PTPRD: variants seen among roughly 807,000 people sequenced by gnomAD.
PTPRD encodes receptor-type tyrosine-protein phosphatase delta.
A neutral mutation model predicts 214.5 loss-of-function variants in PTPRD; 34 were observed. The observed-to-expected ratio is 0.16, with a 90% CI of 0.12 to 0.21. PTPRD has a LOEUF of 0.21. Ranked by LOEUF, PTPRD falls within the 10% of genes least tolerant of loss-of-function variation. The pLI, the probability that PTPRD is intolerant of heterozygous loss-of-function variation, is 1.00. For missense variants in PTPRD, 2,545 were observed against 2,398.7 expected (o/e 1.06, Z -1.27); for synonymous variants, 1,128 against 845.7 (o/e 1.33, Z -5.79).
At chr9:9,616,333 G>A (rs62534671) in intron 7 of PTPRD, among the ~76,000 whole-genome samples, 4,269 of 152,126 alleles carry the variant, frequency 0.028, 93 homozygotes, top group South Asian at 0.042. Flanking sequence ...GCTAAATCTG[G>A]CAAGCCTACA....
chr9:8,941,681 C>T (rs1208703076), intron 11 of PTPRD, among the ~76,000 whole-genome samples: 1 of 152,088 alleles, frequency 6.6e-6, no homozygotes, highest in Non-Finnish European at 1.5e-5. Context: ...TGAGAGAAAG[C>T]TGTCAGTGAG....
intron 15 of PTPRD, 89 bp downstream of exon 15, chr9:8,528,502 A>T (rs762457901): frequency 1.3e-5 from 16 of 1,198,070 alleles, no homozygotes; most frequent in Non-Finnish European, 1.9e-5. Context: ...CCTAGAAATA[A>T]AAAATAAATT....
At chr9:8,512,659 A>G (rs2097704930) in intron 21 of PTPRD, among the ~76,000 whole-genome samples, 1 of 151,952 alleles carries the variant, frequency 6.6e-6, no homozygotes, top group South Asian at 2.1e-4. Flanking sequence ...GTATTTGATA[A>G]ATATATATAA....
At position 10,511,569 on chromosome 9, in the gene PTPRD, A is replaced by ATTTTTTTTTTTTTTTTT. The variant is rs66768632; in HGVS notation, c.-600+100812_-600+100828dup. Among the ~76,000 whole-genome samples, 129 of 127,846 alleles carry ATTTTTTTTTTTTTTTTT rather than the reference A, an allele frequency of 1.0e-3. 2 individuals carry two copies. The highest frequency in any genetic ancestry group is 4.1e-3 in the Middle Eastern group (1 of 246). 83.9% of individuals were successfully genotyped at this position (127,846 alleles called of 152,430 possible). A position where few individuals can be genotyped will look rare whatever the true frequency, so the allele number is the denominator to read the frequency against. Reference sequence around the variant, plus strand: ...CAGGTGTGCGCCACCACACCCTGGTATTTTTTTTTTTTTTTTTTGTATTTT... The same window carrying ATTTTTTTTTTTTTTTTT: ...CAGGTGTGCGCCACCACACCCTGGTATTTTTTTTTTTTTTTTTTTTTTTTTTTTTTTTTTTGTATTTT... On this transcript the variant is annotated intron_variant, in intron 2 of 45. Transcript: ENST00000381196.
chr9:8,437,690 C>A (rs1409874611), intron 34 of PTPRD, among the ~76,000 whole-genome samples: 1 of 152,142 alleles, frequency 6.6e-6, no homozygotes, highest in Non-Finnish European at 1.5e-5. Flanking sequence ...GTGTAAACAT[C>A]TTTGTCCACT....
At chr9:9,620,853 T>C (rs755913766) in intron 7 of PTPRD, among the ~76,000 whole-genome samples, 6 of 138,958 alleles carry the variant, frequency 4.3e-5, no homozygotes, top group African/African-American at 8.4e-5. Flanking sequence ...TAAATGCAAA[T>C]TGAAAGAGAG....
At chr9:10,559,576 A>C (rs1045605321) in intron 2 of PTPRD, among the ~76,000 whole-genome samples, 6 of 152,164 alleles carry the variant, frequency 3.9e-5, no homozygotes, top group African/African-American at 1.4e-4. Flanking sequence ...ATTAAACTAA[A>C]GAGCTTCTGC....
chr9:9,083,441 A>G (rs2099762115), intron 10 of PTPRD, among the ~76,000 whole-genome samples: 1 of 152,216 alleles, frequency 6.6e-6, no homozygotes, highest in Non-Finnish European at 1.5e-5. Context: ...ACCCCATACT[A>G]TAAATCTCCT....
intron 7 of PTPRD, among the ~76,000 whole-genome samples, chr9:9,678,740 G>A (rs2096992225): frequency 6.6e-6 from 1 of 151,684 alleles, no homozygotes; most frequent in African/African-American, 2.4e-5. Context: ...ATAACAAGGA[G>A]TCAGTCTAAA....
chr9:9,894,244 T>A lies in PTPRD; in HGVS notation c.-368+44263A>T, dbSNP rs191137280. Among the ~76,000 whole-genome samples the A allele has an allele frequency of 2.0e-5, 3 of 152,114 alleles. No homozygotes were observed. In the East Asian group the frequency reaches 5.8e-4, roughly 30 times the overall value. On this transcript the variant is annotated intron_variant, in intron 5 of 45. Coordinates refer to ENST00000381196, the MANE Select transcript of PTPRD (RefSeq NM_002839.4). ...GCCTCTGTTATGGGTCTCTCAAATCTTTTCCCCACTCAGCCCCAGATTTCT... is the reference window on the plus strand; with the variant it reads ...GCCTCTGTTATGGGTCTCTCAAATCATTTCCCCACTCAGCCCCAGATTTCT...
chr9:10,392,667 A>G (rs2098091238), intron 2 of PTPRD, among the ~76,000 whole-genome samples: 1 of 151,878 alleles, frequency 6.6e-6, no homozygotes, highest in Non-Finnish European at 1.5e-5. Flanking sequence ...TTTAATGGGA[A>G]TCCAGAGAAG....
At chr9:9,391,640 C>T (rs2065879536) in intron 9 of PTPRD, among the ~76,000 whole-genome samples, 1 of 152,070 alleles carries the variant, frequency 6.6e-6, no homozygotes, top group South Asian at 2.1e-4. Flanking sequence ...TTTGTTGGTG[C>T]AACTTAGAAA....
At chr9:9,124,964 T>C (rs746540088) in intron 10 of PTPRD, among the ~76,000 whole-genome samples, 1 of 152,198 alleles carries the variant, frequency 6.6e-6, no homozygotes, top group Non-Finnish European at 1.5e-5. Flanking sequence ...GACTGCTGTA[T>C]TGAGCAACTG....
At chr9:9,117,334 C>T (rs1040117647) in intron 10 of PTPRD, among the ~76,000 whole-genome samples, 117 of 151,432 alleles carry the variant, frequency 7.7e-4, no homozygotes, top group African/African-American at 2.8e-3. Context: ...TGCCTTAATA[C>T]TTTCATTGAC....
At chr9:10,058,769 C>T (rs749735605) in intron 3 of PTPRD, among the ~76,000 whole-genome samples, 5 of 152,080 alleles carry the variant, frequency 3.3e-5, no homozygotes, top group African/African-American at 4.8e-5. Context: ...AGTCACAGCA[C>T]CTATATTTCC....
At chr9:9,168,562 G>C (rs2099908463) in intron 10 of PTPRD, among the ~76,000 whole-genome samples, 2 of 151,872 alleles carry the variant, frequency 1.3e-5, no homozygotes. Flanking sequence ...AAATACAGTT[G>C]AATATAAAGA....
intron 7 of PTPRD, among the ~76,000 whole-genome samples, chr9:9,612,124 T>C (rs1287865098): frequency 1.3e-5 from 2 of 152,100 alleles, no homozygotes; most frequent in Admixed American, 6.6e-5. Flanking sequence ...ATATAGAAAA[T>C]TGTGTAATAA....
chr9:9,970,631 C>T (rs965927571), intron 4 of PTPRD, among the ~76,000 whole-genome samples: 1 of 151,990 alleles, frequency 6.6e-6, no homozygotes, highest in Non-Finnish European at 1.5e-5. Flanking sequence ...ATGGATCTGT[C>T]AAACGGTCTT....
At chr9:10,299,594 G>T (rs2095798859) in intron 3 of PTPRD, among the ~76,000 whole-genome samples, 1 of 152,090 alleles carries the variant, frequency 6.6e-6, no homozygotes, top group Non-Finnish European at 1.5e-5. Context: ...CATTATAATT[G>T]CTAAGCAGAC....
Sources: allele counts gnomAD v4.1 joint callset (sites outside exome capture counted in the v4.1 genomes callset), GRCh38; gene constraint gnomAD v4.1.1; transcripts MANE v1.5; gene names NCBI Gene and HGNC (gene_info 2026-07-23, HGNC 2026-07-21).